The following OXR1 variants were observed in gnomAD, a reference collection of about 807,000 sequenced individuals.
The protein encoded by OXR1 is oxidation resistance protein 1.
Under a neutral mutation model 104.6 loss-of-function variants are expected in OXR1, and 41 were observed. That is an observed-to-expected ratio of 0.39 (90% CI 0.31 to 0.51). The LOEUF (loss-of-function observed/expected upper bound fraction) is 0.51. OXR1 is among the 20% of genes least tolerant of loss of function. The pLI, the probability that OXR1 is intolerant of heterozygous loss-of-function variation, is 0.77. For missense variants in OXR1, 955 were observed against 1,031.9 expected (o/e 0.93, Z 1.02); for synonymous variants, 348 against 348.4 (o/e 1.00, Z 0.01).
intron 3 of OXR1, among the ~76,000 whole-genome samples, chr8:106,676,164 C>T (rs187264578): frequency 2.8e-4 from 43 of 152,086 alleles, no homozygotes; most frequent in Non-Finnish European, 4.4e-4. Flanking sequence ...ATTTGATTGG[C>T]GGATTTTTCT....
chr8:106,295,782 G>A (rs1248195630), intron 1 of OXR1, among the ~76,000 whole-genome samples: 3 of 152,162 alleles, frequency 2.0e-5, no homozygotes, highest in African/African-American at 7.2e-5. Flanking sequence ...AAAGTGCTAG[G>A]CACTGTAGGG....
intron 8 of OXR1, among the ~76,000 whole-genome samples, chr8:106,705,928 A>G (rs1022623579): frequency 6.7e-6 from 1 of 148,670 alleles, no homozygotes; most frequent in Non-Finnish European, 1.5e-5. Flanking sequence ...GAATGTAAAT[A>G]AGCACTGTGT....
chr8:106,434,395 G>A (rs916073124), intron 2 of OXR1, among the ~76,000 whole-genome samples: 5 of 152,142 alleles, frequency 3.3e-5, no homozygotes, highest in African/African-American at 1.2e-4. Flanking sequence ...AACAGATGAG[G>A]AGAAAGAAAT....
intron 2 of OXR1, among the ~76,000 whole-genome samples, chr8:106,514,108 A>G (rs967100036): frequency 6.6e-6 from 1 of 152,174 alleles, no homozygotes; most frequent in Non-Finnish European, 1.5e-5. Context: ...TGCAAAGCAC[A>G]TTCAACAAAG....
intron 2 of OXR1, among the ~76,000 whole-genome samples, chr8:106,471,844 A>G (rs1009124005): frequency 1.9e-4 from 29 of 152,022 alleles, no homozygotes; most frequent in African/African-American, 7.0e-4. Context: ...TTTTAGACTT[A>G]GAGGAAAGTT....
chr8:106,446,087 A>C (rs1241903734), intron 2 of OXR1, among the ~76,000 whole-genome samples: 1 of 152,190 alleles, frequency 6.6e-6, no homozygotes, highest in Non-Finnish European at 1.5e-5. Context: ...CAGATGAATG[A>C]GAGTGAAAAA....
At chr8:106,585,705 G>T (rs933924701) in intron 3 of OXR1, among the ~76,000 whole-genome samples, 2 of 152,150 alleles carry the variant, frequency 1.3e-5, no homozygotes, top group African/African-American at 4.8e-5. Flanking sequence ...GAGGGGATGT[G>T]TCACAATCTT....
At chr8:106,715,334 G>A (rs939112914) in intron 11 of OXR1, among the ~76,000 whole-genome samples, 9 of 150,906 alleles carry the variant, frequency 6.0e-5, no homozygotes, top group African/African-American at 1.2e-4. Context: ...ACTTTATTGC[G>A]TTCTGGGGAT....
intron 2 of OXR1, among the ~76,000 whole-genome samples, chr8:106,430,000 A>G (rs1819294599): frequency 6.6e-6 from 1 of 152,156 alleles, no homozygotes; most frequent in African/African-American, 2.4e-5. Flanking sequence ...TTAACATGGA[A>G]ACTAAGAATA....
At chr8:106,612,282 A>G (rs891747826) in intron 3 of OXR1, among the ~76,000 whole-genome samples, 1 of 152,186 alleles carries the variant, frequency 6.6e-6, no homozygotes, top group African/African-American at 2.4e-5. Context: ...ATGGAAATGA[A>G]ATAGTATATA....
chr8:106,733,602 AT>A (rs199764616), intron 11 of OXR1, among the ~76,000 whole-genome samples: 3 of 151,642 alleles, frequency 2.0e-5, no homozygotes, highest in Non-Finnish European at 2.9e-5. Flanking sequence ...TGTAATACAC[AT>A]TTTTTTTAGT....
chr8:106,555,407 A>G (rs1816190897), intron 3 of OXR1, among the ~76,000 whole-genome samples: 1 of 152,164 alleles, frequency 6.6e-6, no homozygotes, highest in Non-Finnish European at 1.5e-5. Context: ...ACTCAAGATG[A>G]GTTTTATTAT....
chr8:106,446,602 A>G (rs1000400460), intron 2 of OXR1, among the ~76,000 whole-genome samples: 2 of 151,424 alleles, frequency 1.3e-5, no homozygotes, highest in African/African-American at 4.9e-5. Flanking sequence ...TGGGCAACAG[A>G]GCAAGACTCC....
At position 106,270,245 on chromosome 8, in the gene OXR1, A is replaced by G. The variant is rs1006274363; in HGVS notation, c.-261A>G. On this transcript the variant is annotated 5_prime_UTR_variant, in exon 1 of 17. Coordinates refer to ENST00000517566, the MANE Select transcript of OXR1 (RefSeq NM_001198533.2). The stretch of plus-strand genomic sequence containing the variant: ...AGCTGGGCTGCGTCAGGCTGAGCCC[A>G]TTCACCTCGCGGCCACAGGAGCTCA... 3 of 151,910 alleles carry G rather than the reference A, an allele frequency of 2.0e-5. No individual in the cohort carries two copies. Among genetic ancestry groups the G allele is most frequent in the South Asian group, 2.1e-4 (1 of 4,832 alleles). 9.4% of individuals were successfully genotyped at this position (151,910 alleles called of 1,614,324 possible). A position where few individuals can be genotyped will look rare whatever the true frequency, so the allele number is the denominator to read the frequency against.
chr8:106,576,728 G>A (rs1817867316), intron 3 of OXR1, among the ~76,000 whole-genome samples: 1 of 152,098 alleles, frequency 6.6e-6, no homozygotes, highest in African/African-American at 2.4e-5. Flanking sequence ...TGATCATAGT[G>A]ACTATGATGG....
At chr8:106,584,047 C>T (rs945097783) in intron 3 of OXR1, among the ~76,000 whole-genome samples, 18 of 152,106 alleles carry the variant, frequency 1.2e-4, no homozygotes, top group African/African-American at 4.3e-4. Flanking sequence ...TAAAGAGATT[C>T]TTAGCATTCT....
intron 1 of OXR1, among the ~76,000 whole-genome samples, chr8:106,275,525 G>A (rs1812002413): frequency 6.6e-6 from 1 of 152,072 alleles, no homozygotes; most frequent in Admixed American, 6.5e-5. Flanking sequence ...TATTTTGGGG[G>A]GATTAATATA....
At chr8:106,456,950 A>T (rs919249068) in intron 2 of OXR1, among the ~76,000 whole-genome samples, 2 of 152,218 alleles carry the variant, frequency 1.3e-5, no homozygotes, top group Non-Finnish European at 2.9e-5. Context: ...ACATCATCAA[A>T]TTGACCTTTA....
intron 3 of OXR1, among the ~76,000 whole-genome samples, chr8:106,644,743 A>T (rs749530271): frequency 6.6e-5 from 10 of 152,020 alleles, no homozygotes; most frequent in Non-Finnish European, 1.5e-4. Context: ...AGTCTCATGG[A>T]CCTTTTTCGG....
Sources: gnomAD v4.1 joint callset for allele counts (sites outside exome capture counted in the v4.1 genomes callset) on GRCh38, gnomAD v4.1.1 for gene constraint, MANE v1.5 for transcripts, NCBI Gene and HGNC (gene_info 2026-07-23, HGNC 2026-07-21) for gene names.